AMPH: variants seen among roughly 807,000 people sequenced by gnomAD.
AMPH encodes the protein amphiphysin (Stiff-Mann syndrome with breast cancer 128kD autoantigen).
Under a neutral mutation model 99.1 loss-of-function variants are expected in AMPH, and 49 were observed. The observed-to-expected ratio is 0.49, with a 90% CI of 0.39 to 0.63. The LOEUF (loss-of-function observed/expected upper bound fraction) is 0.63, where lower values mean the gene tolerates loss of function less well. Ranked by LOEUF, AMPH falls within the 20% of genes least tolerant of loss-of-function variation. The pLI is 0.00. For synonymous variants in AMPH, 314 were observed against 317.3 expected (o/e 0.99, Z 0.11); for missense variants, 759 against 863.4 (o/e 0.88, Z 1.52).
intron 1 of AMPH, among the ~76,000 whole-genome samples, chr7:38,541,132 A>G (rs1247863629): frequency 1.3e-5 from 2 of 151,638 alleles, no homozygotes; most frequent in Non-Finnish European, 1.5e-5. Flanking sequence ...TGAACAGGAC[A>G]TGGAGGGGTG....
intron 2 of AMPH, among the ~76,000 whole-genome samples, chr7:38,525,277 T>TATATATATATATATAGAGAG (rs1481528083): frequency 6.2e-4 from 54 of 86,630 alleles, no homozygotes; most frequent in African/African-American, 2.3e-3. Flanking sequence ...TATATATATA[T>TATATATATATATATAGAGAG]AGAGAGAGAG....
chr7:38,457,058 T>C (rs1449949970), intron 11 of AMPH, among the ~76,000 whole-genome samples: 4 of 152,158 alleles, frequency 2.6e-5, no homozygotes, highest in Non-Finnish European at 5.9e-5. Context: ...AGCCAAAATG[T>C]CCGACCCAAC....
intron 5 of AMPH, among the ~76,000 whole-genome samples, chr7:38,486,159 GT>G (rs35881285): frequency 0.43 from 60,475 of 141,834 alleles, 13,067 homozygotes; most frequent in African/African-American, 0.55. Context: ...GTAACTATGA[GT>G]TTTTTTTTTT....
intron 2 of AMPH, among the ~76,000 whole-genome samples, chr7:38,512,313 A>G (rs1310948343): frequency 2.0e-5 from 3 of 152,158 alleles, no homozygotes; most frequent in African/African-American, 7.2e-5. Flanking sequence ...CTGAAAACCA[A>G]CTGCAGCTCA....
At chr7:38,461,461 G>T (rs1321246782) in intron 10 of AMPH, 50 bp from the exon 11 acceptor site, 6 of 1,611,184 alleles carry the variant, frequency 3.7e-6, no homozygotes, top group East Asian at 2.2e-5. Context: ...CAATGTGTCA[G>T]ACACGAAGAA....
At chr7:38,553,258 C>T (rs992698686) in intron 1 of AMPH, among the ~76,000 whole-genome samples, 2 of 152,186 alleles carry the variant, frequency 1.3e-5, no homozygotes, top group Non-Finnish European at 2.9e-5. Flanking sequence ...CTGTGGATTC[C>T]CTTAACACTT....
chr7:38,454,328 G>A (rs754288659), intron 11 of AMPH, among the ~76,000 whole-genome samples: 16 of 152,116 alleles, frequency 1.1e-4, no homozygotes, highest in East Asian at 9.6e-4. Flanking sequence ...GGCATATTAC[G>A]CATAGTGTAG....
intron 11 of AMPH, among the ~76,000 whole-genome samples, chr7:38,458,521 T>C (rs972597215): frequency 1.3e-5 from 2 of 152,158 alleles, no homozygotes; most frequent in Non-Finnish European, 2.9e-5. Flanking sequence ...CACGACCAAG[T>C]GGGATTTATA....
chr7:38,512,161 A>C (rs1232091097), intron 2 of AMPH, among the ~76,000 whole-genome samples: 1 of 152,236 alleles, frequency 6.6e-6, no homozygotes, highest in African/African-American at 2.4e-5. Flanking sequence ...TCCAGGTTTC[A>C]GTCAGTCACC....
In AMPH at chr7:38,515,858, T is replaced by A. The variant is rs548970986; in HGVS notation, c.151-12154A>T. Among the ~76,000 whole-genome samples, 5 of 152,330 alleles carry A rather than the reference T, an allele frequency of 3.3e-5. No individual in the cohort carries two copies. The East Asian group carries it at 7.7e-4, about 23-fold the overall frequency. On this transcript the variant is annotated intron_variant, in intron 2 of 20. Coordinates refer to ENST00000356264, the MANE Select transcript of AMPH (RefSeq NM_001635.4). ...GTCTCAGATGGAGATGAGGAACTTA[T>A]TAGGAACTGGAGCAAAGGTCATTTG...
chr7:38,402,310 T>G (rs1784861873), intron 17 of AMPH, among the ~76,000 whole-genome samples: 1 of 152,222 alleles, frequency 6.6e-6, no homozygotes, highest in Non-Finnish European at 1.5e-5. Flanking sequence ...TCAGGTAATT[T>G]TTGTTATTGT....
chr7:38,418,952 C>A lies in AMPH; in HGVS notation c.1273-1002G>T, dbSNP rs1012938817. 2.6e-5 allele frequency among the ~76,000 whole-genome samples: 4 copies of A among 152,110 alleles called. No individual in the cohort carries two copies. In the South Asian group the frequency reaches 8.3e-4, roughly 32 times the overall value. On this transcript the variant is annotated intron_variant, in intron 16 of 20. Coordinates refer to ENST00000356264, the MANE Select transcript of AMPH (RefSeq NM_001635.4). ...CAGCCAATGCATGTTACTACAAATA[C>A]TGAAAATATTCCTTCTTTTTCCATT...
At position 38,571,274 on chromosome 7, in the gene AMPH, T is replaced by TGA. The variant is rs1562835152; in HGVS notation, c.70-36264_70-36263insTC. 8.7e-3 allele frequency among the ~76,000 whole-genome samples: 382 copies of TGA among 44,078 alleles called. 1 individual carries two copies. The highest frequency in any genetic ancestry group is 0.013 in the Non-Finnish European group (339 of 25,712). The allele number at this position is 44,078 out of a possible 152,430, so 28.9% of individuals were successfully genotyped here. A position where few individuals can be genotyped will look rare whatever the true frequency, so the allele number is the denominator to read the frequency against. On this transcript the variant is annotated intron_variant, in intron 1 of 20. Coordinates refer to ENST00000356264, the MANE Select transcript of AMPH (RefSeq NM_001635.4). ...TATATATTAAATATATATTTATATA[T>TGA]ATATTTTTATATATATTTATATATG...
chr7:38,413,724 A>G (rs2128985529), intron 17 of AMPH, among the ~76,000 whole-genome samples: 1 of 152,324 alleles, frequency 6.6e-6, no homozygotes, highest in Non-Finnish European at 1.5e-5. Context: ...ATGTTTCTTG[A>G]CATCTTAAAG....
intron 1 of AMPH, among the ~76,000 whole-genome samples, chr7:38,607,987 CT>C (rs1793493002): frequency 6.6e-6 from 1 of 152,252 alleles, no homozygotes; most frequent in African/African-American, 2.4e-5. Context: ...TATTTCTCTG[CT>C]TTTTTTAAAT....
intron 7 of AMPH, among the ~76,000 whole-genome samples, chr7:38,468,106 C>A (rs1787735190): frequency 6.6e-6 from 1 of 152,128 alleles, no homozygotes; most frequent in African/African-American, 2.4e-5. Context: ...ACCAAATAAG[C>A]ACTGATGTTC....
Position 38,475,328 on chromosome 7 carries a change from TACCTTG to T in AMPH, c.587_590+2del. ...TGTGCAACCCATAGAGAAACATTTT[TACCTTG>T]ACCATAATGATGGTAACTCTTCTTG... On this transcript the variant is annotated splice_donor_variant and coding_sequence_variant, in exon 7 of 21. Coordinates refer to ENST00000356264, the MANE Select transcript of AMPH (RefSeq NM_001635.4). LOFTEE classifies it high-confidence loss of function. 6.2e-7 allele frequency: 1 copy of T among 1,604,042 alleles called. No homozygotes were observed. The highest frequency in any genetic ancestry group is 1.1e-5 in the South Asian group (1 of 90,698).
intron 1 of AMPH, among the ~76,000 whole-genome samples, chr7:38,567,169 G>A (rs529070111): frequency 6.6e-6 from 1 of 152,326 alleles, no homozygotes; most frequent in Non-Finnish European, 1.5e-5. Flanking sequence ...ACTGGATAAA[G>A]AAAATGTGGC....
chr7:38,438,199 A>T (rs1786365358), intron 11 of AMPH, among the ~76,000 whole-genome samples: 1 of 152,200 alleles, frequency 6.6e-6, no homozygotes, highest in Admixed American at 6.5e-5. Context: ...ATGTTAACAC[A>T]CTTTGGTGCA....
Sources: allele counts gnomAD v4.1 joint callset (sites outside exome capture counted in the v4.1 genomes callset), GRCh38; gene constraint gnomAD v4.1.1; transcripts MANE v1.5; gene names NCBI Gene and HGNC (gene_info 2026-07-23, HGNC 2026-07-21).